The following NOX4 variants were observed in gnomAD, a reference collection of about 807,000 sequenced individuals.
NOX4 encodes NADPH oxidase 4.
NOX4 carries 69 observed loss-of-function variants against 87.6 expected under a neutral mutation model. The ratio of observed to expected loss-of-function variants is 0.79; its 90% CI spans 0.65 to 0.96. The LOEUF (loss-of-function observed/expected upper bound fraction) is 0.96. Among genes scored for constraint, NOX4 ranks in the 40% least tolerant of loss-of-function variants. NOX4 has a pLI of 0.00. For synonymous variants in NOX4, 275 were observed against 238.2 expected, an observed-to-expected ratio of 1.15 and a Z score of -1.42; for missense variants, 680 against 681.5, an observed-to-expected ratio of 1.00 and a Z score of 0.02.
chr11:89,546,338 A>T, the NOX4 span, among the ~76,000 whole-genome samples: 1 of 152,192 alleles, frequency 6.6e-6, no homozygotes, highest in Non-Finnish European at 1.5e-5. Flanking sequence ...TTAGAGGAGG[A>T]ATCCTAAGTG....
At chr11:89,512,274 A>G in the NOX4 span, among the ~76,000 whole-genome samples, 1 of 152,038 alleles carries the variant, frequency 6.6e-6, no homozygotes, top group African/African-American at 2.4e-5. Flanking sequence ...CCTTTTTTAT[A>G]ATAAAACACT....
intron 13 of NOX4, among the ~76,000 whole-genome samples, chr11:89,347,126 T>C (rs929116325): frequency 2.0e-5 from 3 of 152,208 alleles, no homozygotes; most frequent in African/African-American, 7.2e-5. Context: ...AGACATTATG[T>C]ATACTGTGGA....
chr11:89,498,385 T>C (rs1284771044), upstream of NOX4, among the ~76,000 whole-genome samples: 1 of 152,190 alleles, frequency 6.6e-6, no homozygotes. Flanking sequence ...AAAAATTTAC[T>C]TGCCAACCCA....
chr11:89,417,830 A>G (rs1198091866), intron 8 of NOX4, among the ~76,000 whole-genome samples: 1 of 152,094 alleles, frequency 6.6e-6, no homozygotes, highest in Non-Finnish European at 1.5e-5. Context: ...ACACTATGAT[A>G]TAAGTGATTT....
At chr11:89,506,319 AAG>A in the NOX4 span, among the ~76,000 whole-genome samples, 3 of 113,692 alleles carry the variant, frequency 2.6e-5, no homozygotes, top group Non-Finnish European at 6.2e-5. Context: ...GAAAGAAAGA[AAG>A]AGAAAAAAGG....
At chr11:89,493,101 G>A (rs1450147276), upstream of NOX4, among the ~76,000 whole-genome samples, 2 of 152,154 alleles carry the variant, frequency 1.3e-5, no homozygotes, top group East Asian at 1.9e-4. Flanking sequence ...GATGAGAAAC[G>A]GACTGCCGGG....
At chr11:89,359,020 T>C (rs562400118) in intron 12 of NOX4, among the ~76,000 whole-genome samples, 1 of 152,124 alleles carries the variant, frequency 6.6e-6, no homozygotes, top group South Asian at 2.1e-4. Flanking sequence ...TTTCTACCAG[T>C]AGGAGATATA....
intron 17 of NOX4, among the ~76,000 whole-genome samples, chr11:89,332,347 T>TC (rs1363682107): frequency 6.6e-6 from 1 of 151,866 alleles, no homozygotes. Flanking sequence ...AGAGTAGTAA[T>TC]TCTCTACTCA....
intron 2 of NOX4, among the ~76,000 whole-genome samples, chr11:89,484,801 A>T (rs1272377395): frequency 6.6e-6 from 1 of 152,184 alleles, no homozygotes; most frequent in Non-Finnish European, 1.5e-5. Context: ...TAAATAACAG[A>T]ATGTTAAGAA....
At chr11:89,471,768 GTCTC>G (rs1367595604) in intron 2 of NOX4, among the ~76,000 whole-genome samples, 1 of 152,150 alleles carries the variant, frequency 6.6e-6, no homozygotes. Flanking sequence ...TTTTGAGACA[GTCTC>G]TCTCTGTCAC....
rs191451929 is a variant in NOX4 at position 89,450,385 on chromosome 11, T to G, written c.265-861A>C. ...AACAACTCCTTTTAAAATATCAATA[T>G]CTATCCAGCGGTGCTTTGCTTAGTG... On this transcript the variant is annotated intron_variant, in intron 3 of 17. Coordinates refer to ENST00000263317, the MANE Select transcript of NOX4 (RefSeq NM_016931.5). Among the ~76,000 whole-genome samples the G allele has an allele frequency of 9.7e-4, 147 of 152,244 alleles. 1 individual carries two copies. Among genetic ancestry groups the G allele is most frequent in the Non-Finnish European group, 2.0e-3 (136 of 67,998 alleles).
the NOX4 span, among the ~76,000 whole-genome samples, chr11:89,560,409 G>A: frequency 1.6e-4 from 24 of 152,234 alleles, no homozygotes; most frequent in East Asian, 3.9e-4. Context: ...GTAGTTTTAC[G>A]TGAGTTTTAT....
At chr11:89,568,236 T>C in the NOX4 span, among the ~76,000 whole-genome samples, 1 of 152,032 alleles carries the variant, frequency 6.6e-6, no homozygotes, top group Non-Finnish European at 1.5e-5. Context: ...AAAGAAATAC[T>C]AAAATCCGAG....
chr11:89,560,990 C>A, the NOX4 span, among the ~76,000 whole-genome samples: 355 of 73,376 alleles, frequency 4.8e-3, 2 homozygotes, highest in Middle Eastern at 7.2e-3. Context: ...CTCTCTCTCT[C>A]TCTCTCTATA....
chr11:89,461,017 G>A (rs507547), intron 2 of NOX4, among the ~76,000 whole-genome samples: 97,456 of 151,952 alleles, frequency 0.64, 32,911 homozygotes, highest in African/African-American at 0.86. Flanking sequence ...AGGGACATGG[G>A]TGAAATTGGA....
the NOX4 span, among the ~76,000 whole-genome samples, chr11:89,525,582 T>C: frequency 6.6e-6 from 1 of 152,222 alleles, no homozygotes; most frequent in East Asian, 1.9e-4. Context: ...CTCTTCTTAT[T>C]GTGTTATAAC....
intron 8 of NOX4, among the ~76,000 whole-genome samples, chr11:89,409,824 G>A (rs1392456128): frequency 2.6e-5 from 4 of 152,172 alleles, no homozygotes; most frequent in East Asian, 1.9e-4. Context: ...TTATGGAGGA[G>A]AAGAATTTGG....
the NOX4 span, chr11:89,577,273 T>G: frequency 1.1e-4 from 16 of 152,156 alleles, no homozygotes; most frequent in Admixed American, 3.9e-4. Flanking sequence ...CTTATATATT[T>G]CATTCTCAAT....
chr11:89,388,559 T>C (rs188835384), intron 11 of NOX4, among the ~76,000 whole-genome samples: 46 of 152,310 alleles, frequency 3.0e-4, no homozygotes, highest in Non-Finnish European at 5.4e-4. Flanking sequence ...CTTGCCTTTT[T>C]AGTCAATCGT....
Sources: allele counts gnomAD v4.1 joint callset (sites outside exome capture counted in the v4.1 genomes callset), GRCh38; gene constraint gnomAD v4.1.1; transcripts MANE v1.5; gene names NCBI Gene and HGNC (gene_info 2026-07-23, HGNC 2026-07-21).